Variants in LPO observed in about 807,000 individuals in gnomAD.
LPO encodes lactoperoxidase.
LPO carries 70 observed loss-of-function variants against 68.4 expected under a neutral mutation model. The observed-to-expected ratio is 1.02, with a 90% confidence interval of 0.84 to 1.25. The LOEUF is 1.25. LPO is among the 50% of genes most tolerant of loss of function. The pLI is 0.00. For missense variants in LPO, 873 were observed against 908.4 expected (o/e 0.96, Z 0.50); for synonymous variants, 360 against 357.6 (o/e 1.01, Z -0.08).
intron 2 of LPO, chr17:58,243,408 T>C: frequency 3.9e-6 from 1 of 255,290 alleles, no homozygotes; most frequent in Non-Finnish European, 7.5e-6. Flanking sequence ...CTCATTTTAA[T>C]TCATAACATC....
chr17:58,260,146 G>T (rs1172510462), intron 9 of LPO, among the ~76,000 whole-genome samples: 1 of 152,168 alleles, frequency 6.6e-6, no homozygotes, highest in Non-Finnish European at 1.5e-5. Context: ...AATTATAAAT[G>T]GTATTACAGC....
At chr17:58,250,851 A>G in intron 7 of LPO, 1 of 559,622 alleles carries the variant, frequency 1.8e-6, no homozygotes, top group Non-Finnish European at 3.2e-6. Flanking sequence ...TGAACAGGAC[A>G]CCGCTCCTGC....
At chr17:58,247,391 G>A in intron 3 of LPO, 87 bp from the exon 4 acceptor site, 2 of 1,270,400 alleles carry the variant, frequency 1.6e-6, no homozygotes, top group Admixed American at 2.2e-5. Context: ...AGGCCATGTT[G>A]TACACACACC....
intron 9 of LPO, among the ~76,000 whole-genome samples, chr17:58,260,138 T>C (rs1034414940): frequency 1.3e-5 from 2 of 152,254 alleles, no homozygotes; most frequent in Middle Eastern, 3.2e-3. Flanking sequence ...TTTGGAGGAA[T>C]TATAAATGGT....
At chr17:58,240,593 C>T (rs1041740552) in intron 1 of LPO, among the ~76,000 whole-genome samples, 2 of 152,164 alleles carry the variant, frequency 1.3e-5, no homozygotes, top group African/African-American at 2.4e-5. Context: ...GAACATTGCC[C>T]AAGACATGGG....
intron 2 of LPO, chr17:58,243,261 T>C: frequency 3.7e-6 from 2 of 547,238 alleles, no homozygotes; most frequent in Non-Finnish European, 6.5e-6. Context: ...CTGGTATCCT[T>C]GGTGTTCCCT....
intron 9 of LPO, among the ~76,000 whole-genome samples, chr17:58,259,755 T>A (rs184338253): frequency 2.6e-5 from 4 of 152,342 alleles, no homozygotes; most frequent in Non-Finnish European, 5.9e-5. Flanking sequence ...TAATCAACAT[T>A]TTGTAGTTTT....
At chr17:58,266,112 T>C (rs1377417490) in intron 10 of LPO, 41 bp from the exon 11 acceptor site, 17 of 1,593,374 alleles carry the variant, frequency 1.1e-5, no homozygotes, top group Non-Finnish European at 1.5e-5. Context: ...GTTCCCACTC[T>C]TCCCCCAACC....
chr17:58,268,047 AAG>A lies in LPO; in HGVS notation c.*54_*55del, dbSNP rs566420779. The A allele has an allele frequency of 8.6e-3, 13,540 of 1,565,984 alleles. 96 individuals are homozygous for A. Among genetic ancestry groups the A allele is most frequent in the South Asian group, 0.017 (1,484 of 89,762 alleles). On this transcript the variant is annotated 3_prime_UTR_variant, in exon 13 of 13. Coordinates refer to ENST00000262290, the MANE Select transcript of LPO (RefSeq NM_006151.3). ...TTTGGTCCACAGGGCCATTTCAAGC[AAG>A]TTCAATGACCTGGTCCCTTAGAGCT... is the stretch of plus-strand genomic sequence containing the variant.
Position 58,250,400 on chromosome 17 carries a change from T to C in LPO, c.574-15T>C, listed in dbSNP as rs781684524. On this transcript the variant is annotated splice_polypyrimidine_tract_variant and intron_variant, in intron 6 of 12. Coordinates refer to ENST00000262290, the MANE Select transcript of LPO (RefSeq NM_006151.3). ...TTTCCTCTAATCTGCCCTCCCCTTC[T>C]CTCTCCATCTGTAGGCCCGGGAGGT... The C allele has an allele frequency of 1.6e-5, 26 of 1,610,176 alleles. No homozygotes were observed. In the South Asian group the frequency reaches 2.9e-4, roughly 18 times the overall value.
chr17:58,248,969 C>A, intron 4 of LPO, 91 bp from the exon 5 acceptor site: 2 of 924,408 alleles, frequency 2.2e-6, no homozygotes, highest in Non-Finnish European at 3.6e-6. Context: ...CCAAAACATG[C>A]AGGTTCACCT....
At chr17:58,259,481 C>T (rs1598030507) in intron 9 of LPO, among the ~76,000 whole-genome samples, 1 of 152,180 alleles carries the variant, frequency 6.6e-6, no homozygotes, top group East Asian at 1.9e-4. Context: ...TACCACAGTG[C>T]TCAATTACTA....
chr17:58,254,134 T>TATATAGAC (rs1970017432), intron 8 of LPO, among the ~76,000 whole-genome samples: 1 of 90,486 alleles, frequency 1.1e-5, no homozygotes, highest in Non-Finnish European at 2.3e-5. Context: ...TGATGATAGA[T>TATATAGAC]ATATAGATAT....
In LPO at chr17:58,243,005, C is replaced by G; in HGVS notation, c.26C>G (p.Ala9Gly). 6.2e-7 allele frequency: 1 copy of G among 1,614,106 alleles called. No individual in the cohort carries two copies. The change falls in exon 2 of 13, where the codon GCC becomes GGC. Residue 9 changes from alanine to glycine, a missense_variant. Transcript: ENST00000262290. Reference sequence around the variant, plus strand: ...ATGAGGGTCCTTCTCCATCTCCCAGCCCTCCTGGCTTCCCTCATCTTGCTT... The same window carrying G: ...ATGAGGGTCCTTCTCCATCTCCCAGGCCTCCTGGCTTCCCTCATCTTGCTT... Reference protein sequence around the residue: MRVLLHLPALLASLILLQA... With the variant: MRVLLHLPGLLASLILLQA...
In LPO at chr17:58,252,423, T is replaced by C; in HGVS notation, c.1022T>C (p.Leu341Pro). ...AVNQEVSDHGLPYLPYDSKKP... is the reference protein window; with the variant it reads ...AVNQEVSDHGPPYLPYDSKKP... The stretch of plus-strand genomic sequence containing the variant: ...AACCAGGAGGTCTCAGACCATGGAC[T>C]ACCCTACCTGCCCTATGACAGCAAG... Residue 341 changes from leucine (L) to proline (P), a missense_variant, in exon 8 of 13, where the codon CTA becomes CCA. By Grantham distance (98) the Leu-to-Pro change is moderately conservative. Coordinates refer to ENST00000262290, the MANE Select transcript of LPO (RefSeq NM_006151.3). The C allele has an allele frequency of 2.5e-6, 4 of 1,613,616 alleles. No homozygotes were observed. The highest frequency in any genetic ancestry group is 3.4e-6 in the Non-Finnish European group (4 of 1,179,520).
chr17:58,243,992 AGC>A lies in LPO; in HGVS notation c.78_79del (p.Gln27AspfsTer36), dbSNP rs1277782612. 6.2e-7 allele frequency: 1 copy of A among 1,612,928 alleles called. No homozygotes were observed. Among genetic ancestry groups the A allele is most frequent in the Non-Finnish European group, 8.5e-7 (1 of 1,179,276 alleles). ...CTTCCTGCTCCCCACTCCAACCCCA[AGC>A]GCAGACTACCAGAACCTCTGCCATC... On this transcript the variant is annotated splice_acceptor_variant and coding_sequence_variant, in exon 3 of 13. Transcript: ENST00000262290. LOFTEE classifies it high-confidence loss of function.
chr17:58,263,265 T>C (rs565903624), intron 9 of LPO, among the ~76,000 whole-genome samples: 13 of 152,378 alleles, frequency 8.5e-5, no homozygotes, highest in African/African-American at 2.9e-4. Context: ...ATTTTTATAA[T>C]GGCTGCTTTT....
At chr17:58,248,791 C>G (rs949771764) in intron 4 of LPO, among the ~76,000 whole-genome samples, 4 of 152,196 alleles carry the variant, frequency 2.6e-5, no homozygotes, top group African/African-American at 9.7e-5. Flanking sequence ...GAATTACTAG[C>G]AATTCTGGGG....
intron 5 of LPO, 27 bp from the exon 6 acceptor site, chr17:58,249,539 G>A (rs1383975939): frequency 6.2e-7 from 1 of 1,600,174 alleles, no homozygotes; most frequent in Non-Finnish European, 8.5e-7. Flanking sequence ...GCCTGCCGAA[G>A]CTCAGCGAGG....
Sources: allele counts gnomAD v4.1 joint callset (sites outside exome capture counted in the v4.1 genomes callset), GRCh38; gene constraint gnomAD v4.1.1; transcripts MANE v1.5; gene names NCBI Gene and HGNC (gene_info 2026-07-23, HGNC 2026-07-21).